PHACTR1: variants seen among roughly 807,000 people sequenced by gnomAD.
PHACTR1 encodes phosphatase and actin regulator 1.
Under a neutral mutation model 69.2 loss-of-function variants are expected in PHACTR1, and 16 were observed. The ratio of observed to expected loss-of-function variants is 0.23; its 90% CI spans 0.16 to 0.35. The LOEUF (loss-of-function observed/expected upper bound fraction) is 0.35. Ranked by LOEUF, PHACTR1 falls within the 10% of genes least tolerant of loss-of-function variation. The pLI is 1.00. For missense variants in PHACTR1, 510 were observed against 734.7 expected (o/e 0.69, Z 3.54); for synonymous variants, 312 against 284.5 (o/e 1.10, Z -0.97).
chr6:12,840,794 T>A (rs1393842621), intron 4 of PHACTR1, among the ~76,000 whole-genome samples: 3 of 152,230 alleles, frequency 2.0e-5, no homozygotes, highest in Non-Finnish European at 2.9e-5. Context: ...TTTCTCTTGC[T>A]CTTTTTGTTC....
chr6:12,865,628 C>T (rs951749729), intron 4 of PHACTR1, among the ~76,000 whole-genome samples: 1 of 152,148 alleles, frequency 6.6e-6, no homozygotes, highest in Non-Finnish European at 1.5e-5. Context: ...AAAGCTTCAC[C>T]ATTGTGAAAG....
Position 13,246,174 on chromosome 6 carries a change from G to T in PHACTR1, c.1391+15981G>T, listed in dbSNP as rs1455147186. Among the ~76,000 whole-genome samples the T allele has an allele frequency of 6.6e-6, 1 of 152,164 alleles. No homozygotes were observed. Among genetic ancestry groups the T allele is most frequent in the East Asian group, 1.9e-4 (1 of 5,202 alleles). On this transcript the variant is annotated intron_variant, in intron 10 of 14. Transcript: ENST00000332995. The surrounding 1 kb of genome is among the most constrained non-coding windows in gnomAD (Gnocchi z 4.2). Reference sequence around the variant, plus strand: ...ACTGGAATAAACAGGCCAGTTGTTAGTTAGCAACCATAACAACTCATATAT... The same window carrying T: ...ACTGGAATAAACAGGCCAGTTGTTATTTAGCAACCATAACAACTCATATAT...
At chr6:13,252,927 G>GCTTTT in intron 10 of PHACTR1, 1 of 345,520 alleles carries the variant, frequency 2.9e-6, no homozygotes, top group Admixed American at 2.8e-5. Context: ...GAGATTCCTT[G>GCTTTT]GGGTTTTTGT....
At chr6:13,034,108 CTG>C (rs1491274494) in intron 4 of PHACTR1, among the ~76,000 whole-genome samples, 1 of 152,044 alleles carries the variant, frequency 6.6e-6, no homozygotes, top group Non-Finnish European at 1.5e-5. Flanking sequence ...GCTCCGCCCC[CTG>C]GGGTTCACGC....
At position 12,742,658 on chromosome 6, in the gene PHACTR1, C is replaced by T. The variant is rs1168781338; in HGVS notation, c.104-6986C>T. On this transcript the variant is annotated intron_variant, in intron 3 of 14. Transcript: ENST00000332995. ...GTTCAAATGCCTCTGACATTTCCTC[C>T]TCCCTTTTTACAAGAGAACCCTTAA... is the stretch of plus-strand genomic sequence containing the variant. Among the ~76,000 whole-genome samples, 5 of 152,216 alleles carry T rather than the reference C, an allele frequency of 3.3e-5. No homozygotes were observed. In the East Asian group the frequency reaches 9.7e-4, roughly 29 times the overall value.
At chr6:12,790,830 C>A (rs1772176714) in intron 4 of PHACTR1, among the ~76,000 whole-genome samples, 1 of 152,144 alleles carries the variant, frequency 6.6e-6, no homozygotes, top group Non-Finnish European at 1.5e-5. Flanking sequence ...GGAAGAGAGC[C>A]TTGCTGGTTT....
chr6:13,158,281 C>T (rs1395210957), intron 5 of PHACTR1, among the ~76,000 whole-genome samples: 1 of 152,148 alleles, frequency 6.6e-6, no homozygotes, highest in African/African-American at 2.4e-5. Context: ...AATAGAACAT[C>T]TTTTTGCCTT....
At chr6:12,921,553 G>GAGGA (rs1202227848) in intron 4 of PHACTR1, among the ~76,000 whole-genome samples, 2 of 131,908 alleles carry the variant, frequency 1.5e-5, no homozygotes, top group Non-Finnish European at 3.2e-5. Context: ...AAGGAGGAAG[G>GAGGA]AGGAAGGAAG....
chr6:12,835,961 A>G (rs770801588), intron 4 of PHACTR1, among the ~76,000 whole-genome samples: 1 of 152,020 alleles, frequency 6.6e-6, no homozygotes, highest in Non-Finnish European at 1.5e-5. Context: ...ATTTTTTTTG[A>G]AACAAAAATA....
At chr6:12,935,278 C>G (rs940212346) in intron 4 of PHACTR1, among the ~76,000 whole-genome samples, 2 of 152,138 alleles carry the variant, frequency 1.3e-5, no homozygotes, top group Non-Finnish European at 2.9e-5. Flanking sequence ...GAGTCTCACT[C>G]TGTCACCCAG....
intron 4 of PHACTR1, among the ~76,000 whole-genome samples, chr6:12,759,080 T>C (rs1199650203): frequency 3.0e-5 from 4 of 132,112 alleles, no homozygotes; most frequent in Non-Finnish European, 4.6e-5. Context: ...GCCAAGATCA[T>C]GCCATTGCAC....
At chr6:12,789,577 T>C (rs1463305827) in intron 4 of PHACTR1, among the ~76,000 whole-genome samples, 2 of 152,076 alleles carry the variant, frequency 1.3e-5, no homozygotes, top group African/African-American at 4.8e-5. Context: ...AGCTGACTCC[T>C]TTTTGACATC....
chr6:12,955,914 G>A (rs1012476324), intron 4 of PHACTR1, among the ~76,000 whole-genome samples: 2 of 152,178 alleles, frequency 1.3e-5, no homozygotes, highest in African/African-American at 4.8e-5. Context: ...ACCCCATGCT[G>A]ACCTCAGGGG....
At chr6:13,199,407 AAAAAAC>A (rs1353203764) in intron 7 of PHACTR1, among the ~76,000 whole-genome samples, 21 of 140,400 alleles carry the variant, frequency 1.5e-4, no homozygotes, top group African/African-American at 4.8e-4. Context: ...AAAAAAAAAA[AAAAAAC>A]ATTGGCATCT....
intron 10 of PHACTR1, chr6:13,272,439 C>G (rs1232392): frequency 0.18 from 36,568 of 207,062 alleles, 3,553 homozygotes; most frequent in South Asian, 0.3. Flanking sequence ...TATGTTCTAA[C>G]TGGGTCTGCA....
intron 4 of PHACTR1, among the ~76,000 whole-genome samples, chr6:13,043,788 G>C (rs1456868644): frequency 6.6e-6 from 1 of 152,200 alleles, no homozygotes; most frequent in Non-Finnish European, 1.5e-5. Context: ...TCAGACCCTA[G>C]GGTCTAAAGA....
At chr6:12,990,656 C>T (rs1409680516) in intron 4 of PHACTR1, among the ~76,000 whole-genome samples, 3 of 152,214 alleles carry the variant, frequency 2.0e-5, no homozygotes, top group Non-Finnish European at 4.4e-5. Flanking sequence ...GTTGACAGCT[C>T]AGTGGTAGGT....
chr6:13,125,552 T>C (rs116713672), intron 5 of PHACTR1, among the ~76,000 whole-genome samples: 1,901 of 152,322 alleles, frequency 0.012, 41 homozygotes, highest in African/African-American at 0.043. Flanking sequence ...GGAAAAAATA[T>C]GTCACTCTTA....
intron 4 of PHACTR1, among the ~76,000 whole-genome samples, chr6:12,929,857 C>T (rs1028063527): frequency 6.6e-6 from 1 of 152,180 alleles, no homozygotes; most frequent in Non-Finnish European, 1.5e-5. Context: ...TGAATGCCTT[C>T]ATGGCACTTC....
Sources: gnomAD v4.1 joint callset for allele counts (sites outside exome capture counted in the v4.1 genomes callset) on GRCh38, gnomAD v4.1.1 for gene constraint, Gnocchi (gnomAD v3.1) non-coding constraint, MANE v1.5 for transcripts, NCBI Gene and HGNC (gene_info 2026-07-23, HGNC 2026-07-21) for gene names.